PLEKHA2: variants seen among roughly 807,000 people sequenced by gnomAD.
PLEKHA2 encodes the protein pleckstrin homology domain-containing family A member 2.
A neutral mutation model predicts 53.2 loss-of-function variants in PLEKHA2; 28 were observed. The observed-to-expected ratio is 0.53, with a 90% confidence interval of 0.39 to 0.72. The LOEUF (loss-of-function observed/expected upper bound fraction) is 0.72. PLEKHA2 is among the 30% of genes least tolerant of loss of function. The pLI, the probability that PLEKHA2 is intolerant of heterozygous loss-of-function variation, is 0.00. For synonymous variants in PLEKHA2, 193 were observed against 196.4 expected, an observed-to-expected ratio of 0.98 and a Z score of 0.14; for missense variants, 426 against 537.9, an observed-to-expected ratio of 0.79 and a Z score of 2.06.
In PLEKHA2 at chr8:38,969,708, G is replaced by A. The variant is rs1246220626; in HGVS notation, c.1203G>A (p.Ser401=). ...VLPSSRIRHR[S]EPQHPKEKPF... ...CCAGCTCCCGGATAAGGCACAGATC[G>A]GAGCCCCAGCACCCCAAGGAGAAGC... The change falls in exon 12 of 12, where the codon TCG becomes TCA. Residue 401 remains serine, a synonymous_variant. Coordinates refer to ENST00000617275, the MANE Select transcript of PLEKHA2 (RefSeq NM_021623.2). 17 of 1,563,736 alleles carry A rather than the reference G, an allele frequency of 1.1e-5. No homozygotes were observed. The highest frequency in any genetic ancestry group is 1.4e-5 in the Non-Finnish European group (16 of 1,154,256).
chr8:38,954,949 G>A (rs1588271722), intron 9 of PLEKHA2, among the ~76,000 whole-genome samples: 1 of 152,168 alleles, frequency 6.6e-6, no homozygotes, highest in Non-Finnish European at 1.5e-5. Flanking sequence ...CAGGAGAATC[G>A]CTTGAACCCG....
intron 1 of PLEKHA2, among the ~76,000 whole-genome samples, chr8:38,915,323 G>A (rs1161585427): frequency 6.6e-6 from 1 of 152,196 alleles, no homozygotes; most frequent in Admixed American, 6.5e-5. Flanking sequence ...TCATAAACAA[G>A]GACCACAGTT....
rs756934318 is a variant in PLEKHA2, at chr8:38,952,313, G to A, written c.633+1G>A. Reference sequence around the variant, plus strand: ...TTACTGCGTGAAGCAAGGGAATGTGGTGAGTGTCAGCACAGGGGCTGAATT... The same window carrying A: ...TTACTGCGTGAAGCAAGGGAATGTGATGAGTGTCAGCACAGGGGCTGAATT... On this transcript the variant is annotated splice_donor_variant, in intron 7 of 11. Transcript: ENST00000617275. LOFTEE classifies it high-confidence loss of function. 6.2e-7 allele frequency: 1 copy of A among 1,612,294 alleles called. No homozygotes were observed. Among genetic ancestry groups the A allele is most frequent in the South Asian group, 1.1e-5 (1 of 90,446 alleles).
chr8:38,941,113 A>G (rs1041980613), intron 3 of PLEKHA2, among the ~76,000 whole-genome samples: 7 of 149,938 alleles, frequency 4.7e-5, no homozygotes, highest in Admixed American at 1.3e-4. Context: ...CTGGAGTGCA[A>G]TGGCGGGATC....
Position 38,922,674 on chromosome 8 carries a change from G to A in PLEKHA2, c.141+4604G>A, listed in dbSNP as rs1192083098. Among the ~76,000 whole-genome samples the A allele has an allele frequency of 6.6e-6, 1 of 152,240 alleles. No homozygotes were observed. Among genetic ancestry groups the A allele is most frequent in the East Asian group, 1.9e-4 (1 of 5,204 alleles). ...CTTTGTGTGTTGAAGCCACCTGGTA[G>A]GTGGTGTTCACTGAGCCTGAATCTG... is the stretch of plus-strand genomic sequence containing the variant. On this transcript the variant is annotated intron_variant, in intron 2 of 11. Coordinates refer to ENST00000617275, the MANE Select transcript of PLEKHA2 (RefSeq NM_021623.2). This position sits in a 1 kb window ranked among gnomAD's most constrained non-coding sequence, Gnocchi z 4.0.
At chr8:38,942,490 C>T (rs1353000931) in intron 3 of PLEKHA2, among the ~76,000 whole-genome samples, 1 of 152,162 alleles carries the variant, frequency 6.6e-6, no homozygotes, top group Non-Finnish European at 1.5e-5. Context: ...AAAGTGGGAA[C>T]CACTCCTGGA....
chr8:38,929,668 A>G (rs1834353290), intron 2 of PLEKHA2, among the ~76,000 whole-genome samples: 3 of 152,356 alleles, frequency 2.0e-5, no homozygotes, highest in East Asian at 3.9e-4. Context: ...CTGGCGCATC[A>G]TAATTTCTAA....
chr8:38,914,721 C>A (rs1306850404), intron 1 of PLEKHA2, among the ~76,000 whole-genome samples: 1 of 152,200 alleles, frequency 6.6e-6, no homozygotes, highest in Non-Finnish European at 1.5e-5. Context: ...AATTGGGTGT[C>A]TCTGCTCATT....
intron 7 of PLEKHA2, 121 bp from the exon 8 acceptor site, chr8:38,952,515 C>T (rs1408484791): frequency 2.3e-6 from 3 of 1,332,840 alleles, no homozygotes; most frequent in South Asian, 2.6e-5. Context: ...AGCCCTTGCC[C>T]CTGCTGAATG....
At position 38,931,971 on chromosome 8, in the gene PLEKHA2, C is replaced by CT. The variant is rs1303816642; in HGVS notation, c.142-4015dup. ...TGGTGGGGGGAAGCTTGAGCGCGGG[C>CT]TTTTTTTTAAAATCTCTTTTTTTCT... is the stretch of plus-strand genomic sequence containing the variant. On this transcript the variant is annotated intron_variant, in intron 2 of 11. Transcript: ENST00000617275. 5.3e-5 allele frequency among the ~76,000 whole-genome samples: 8 copies of CT among 151,884 alleles called. No individual in the cohort carries two copies. The East Asian group carries it at 1.2e-3, about 22-fold the overall frequency.
chr8:38,942,812 C>T (rs1834635855), intron 3 of PLEKHA2, among the ~76,000 whole-genome samples: 1 of 152,130 alleles, frequency 6.6e-6, no homozygotes, highest in African/African-American at 2.4e-5. Context: ...GGTAGGATTG[C>T]CAGAGCAAGA....
At chr8:38,934,849 G>A (rs924324712) in intron 2 of PLEKHA2, among the ~76,000 whole-genome samples, 3 of 150,956 alleles carry the variant, frequency 2.0e-5, no homozygotes, top group Non-Finnish European at 3.0e-5. Flanking sequence ...TCTATATTGC[G>A]TGAGTTTGTA....
chr8:38,943,975 G>A (rs1235979270), intron 4 of PLEKHA2, 138 bp downstream of exon 4: 11 of 585,652 alleles, frequency 1.9e-5, no homozygotes, highest in East Asian at 3.4e-5. Context: ...GGTCCTGGAC[G>A]TCAAGTGATA....
intron 6 of PLEKHA2, 49 bp downstream of exon 6, chr8:38,951,039 C>T: frequency 1.3e-6 from 2 of 1,555,276 alleles, no homozygotes; most frequent in Non-Finnish European, 8.7e-7. Flanking sequence ...GTGGAAGTGT[C>T]CATGGTGTGC....
rs187385352 is a variant in PLEKHA2 at position 38,920,360 on chromosome 8, T to G, written c.141+2290T>G. On this transcript the variant is annotated intron_variant, in intron 2 of 11. Coordinates refer to ENST00000617275, the MANE Select transcript of PLEKHA2 (RefSeq NM_021623.2). ...TAGTAGAGACGGGGTTTCACTGTGT[T>G]AGCCAGGATGGTCTCAAGCTCCTGA... Among the ~76,000 whole-genome samples, 171 of 152,186 alleles carry G rather than the reference T, an allele frequency of 1.1e-3. 3 individuals are homozygous for G. In the East Asian group the frequency reaches 0.03, roughly 26 times the overall value.
At chr8:38,945,639 G>A (rs148133499) in intron 4 of PLEKHA2, among the ~76,000 whole-genome samples, 2,191 of 152,316 alleles carry the variant, frequency 0.014, 26 homozygotes, top group Middle Eastern at 0.037. Context: ...CAGGTTGAGA[G>A]TGAGGCCAAG....
At chr8:38,946,350 C>A (rs911335493) in intron 5 of PLEKHA2, 129 bp downstream of exon 5, 60 of 702,714 alleles carry the variant, frequency 8.5e-5, no homozygotes, top group Non-Finnish European at 1.4e-4. Flanking sequence ...GTACCCAGTT[C>A]TCTCCCACCT....
chr8:38,932,915 C>T (rs1431387283), intron 2 of PLEKHA2, among the ~76,000 whole-genome samples: 3 of 152,062 alleles, frequency 2.0e-5, no homozygotes, highest in South Asian at 2.1e-4. Flanking sequence ...GGTGAGGACC[C>T]CTGCCCTTAC....
At chr8:38,914,749 G>T (rs994537313) in intron 1 of PLEKHA2, among the ~76,000 whole-genome samples, 6 of 152,196 alleles carry the variant, frequency 3.9e-5, no homozygotes, top group African/African-American at 1.4e-4. Flanking sequence ...GCCAATCTTC[G>T]TTGGGGAGCA....
Sources: gnomAD v4.1 joint callset for allele counts (sites outside exome capture counted in the v4.1 genomes callset) on GRCh38, gnomAD v4.1.1 for gene constraint, Gnocchi (gnomAD v3.1) non-coding constraint, MANE v1.5 for transcripts, NCBI Gene and HGNC (gene_info 2026-07-23, HGNC 2026-07-21) for gene names.